Variants in NDUFB6 observed in about 807,000 individuals in gnomAD.
The protein encoded by NDUFB6 is NADH dehydrogenase [ubiquinone] 1 beta subcomplex subunit 6.
A neutral mutation model predicts 17.5 loss-of-function variants in NDUFB6; 23 were observed. That is an observed-to-expected ratio of 1.31 (90% confidence interval 0.94 to 1.86). The LOEUF is 1.86. Among genes scored for constraint, NDUFB6 ranks in the 40% most tolerant of loss-of-function variants. The probability of loss-of-function intolerance (pLI) is 0.00; values close to 1 mark genes in which losing one functional copy is unlikely to be tolerated. For missense variants in NDUFB6, 167 were observed against 153.8 expected (o/e 1.09, Z -0.46); for synonymous variants, 60 against 53.5 (o/e 1.12, Z -0.53).
chr9:32,566,962 G>C, intron 2 of NDUFB6: 1 of 516,184 alleles, frequency 1.9e-6, no homozygotes, highest in South Asian at 1.8e-5. Context: ...CACCAGCTCG[G>C]CATCGTCGAG....
chr9:32,556,890 C>T lies in NDUFB6; in HGVS notation c.318+2020G>A, dbSNP rs189707011. ...TTTTTTTTGAGGCAGGGTGCTCTGTCGCTAAGGCTGGAGTGCAGTGGCGCA... is the reference window on the plus strand; with the variant it reads ...TTTTTTTTGAGGCAGGGTGCTCTGTTGCTAAGGCTGGAGTGCAGTGGCGCA... On this transcript the variant is annotated intron_variant, in intron 3 of 3. Coordinates refer to ENST00000379847, the MANE Select transcript of NDUFB6 (RefSeq NM_002493.5). 2.1e-3 allele frequency among the ~76,000 whole-genome samples: 249 copies of T among 117,708 alleles called. 1 individual carries two copies. The highest frequency in any genetic ancestry group is 7.7e-3 in the African/African-American group (238 of 30,816). 77.2% of individuals were successfully genotyped at this position (117,708 alleles called of 152,430 possible).
chr9:32,555,006 G>A (rs1244458158), intron 3 of NDUFB6, among the ~76,000 whole-genome samples: 1 of 152,052 alleles, frequency 6.6e-6, no homozygotes, highest in Non-Finnish European at 1.5e-5. Context: ...CATGAGCTCA[G>A]GCAAAAAGTG....
chr9:32,563,504 T>TTTTTTTTTTTTTTG (rs74178817), intron 2 of NDUFB6, among the ~76,000 whole-genome samples: 3 of 148,872 alleles, frequency 2.0e-5, no homozygotes, highest in Non-Finnish European at 4.5e-5. Context: ...TTTTTTTTTT[T>TTTTTTTTTTTTTTG]GGAGGGATGG....
At chr9:32,563,625 A>AATGT (rs1821693804) in intron 2 of NDUFB6, among the ~76,000 whole-genome samples, 1 of 151,754 alleles carries the variant, frequency 6.6e-6, no homozygotes, top group Admixed American at 6.6e-5. Flanking sequence ...TGCCCAGACT[A>AATGT]ATGTTAGCAT....
At chr9:32,567,228 T>A in intron 2 of NDUFB6, 1 of 474,100 alleles carries the variant, frequency 2.1e-6, no homozygotes, top group South Asian at 1.5e-5. Context: ...ACACCAGGTG[T>A]GCTCTGCAAA....
At chr9:32,559,039 C>T in intron 2 of NDUFB6, 85 bp from the exon 3 acceptor site, 4 of 903,012 alleles carry the variant, frequency 4.4e-6, no homozygotes, top group Non-Finnish European at 6.9e-6. Context: ...CAAATTTTAA[C>T]TTAAGCTCCA....
chr9:32,557,393 C>A (rs550196863), intron 3 of NDUFB6, among the ~76,000 whole-genome samples: 1 of 145,910 alleles, frequency 6.9e-6, no homozygotes, highest in African/African-American at 2.5e-5. Context: ...GGTCTCGAAC[C>A]CCTAGCCTCA....
At chr9:32,565,362 C>G (rs1821752920) in intron 2 of NDUFB6, 1 of 152,096 alleles carries the variant, frequency 6.6e-6, no homozygotes, top group Non-Finnish European at 1.5e-5. Flanking sequence ...AACATCTTAC[C>G]CCCAAAGCAT....
At chr9:32,563,429 T>G (rs949110250) in intron 2 of NDUFB6, among the ~76,000 whole-genome samples, 7 of 150,262 alleles carry the variant, frequency 4.7e-5, no homozygotes, top group Non-Finnish European at 8.9e-5. Context: ...CATTGCAGGC[T>G]CCACATCCTG....
Position 32,572,981 on chromosome 9 carries a change from T to A in NDUFB6, c.80A>T (p.Glu27Val), listed in dbSNP as rs1199466960. The A allele has an allele frequency of 6.2e-7, 1 of 1,611,958 alleles. No individual in the cohort carries two copies. The highest frequency in any genetic ancestry group is 8.5e-7 in the Non-Finnish European group (1 of 1,178,882). ...ELRRRWLKDQELSPREPVLPP... is the reference protein window; with the variant it reads ...ELRRRWLKDQVLSPREPVLPP... Reference sequence around the variant, plus strand: ...CAGCACCGGCTCCCGAGGGCTCAGCTCCTGGTCCTTCAGCCATCGCCTTCT... The same window carrying A: ...CAGCACCGGCTCCCGAGGGCTCAGCACCTGGTCCTTCAGCCATCGCCTTCT... The change falls in exon 1 of 4, where the codon GAG becomes GTG. Residue 27 changes from glutamate (E) to valine (V), a missense_variant. Physicochemically the swap from Glu to Val is moderately radical, Grantham distance 121. Transcript: ENST00000379847.
intron 2 of NDUFB6, chr9:32,566,092 T>C: frequency 2.2e-6 from 1 of 445,632 alleles, no homozygotes; most frequent in Non-Finnish European, 4.0e-6. Context: ...AAGGCACCTG[T>C]TAAAATTATG....
At chr9:32,569,499 T>C (rs1370861747) in intron 2 of NDUFB6, among the ~76,000 whole-genome samples, 2 of 152,186 alleles carry the variant, frequency 1.3e-5, no homozygotes, top group Non-Finnish European at 1.5e-5. Context: ...ATTACAGGCA[T>C]GAGCCACCGT....
intron 2 of NDUFB6, chr9:32,567,152 C>A (rs960877210): frequency 2.1e-6 from 1 of 476,876 alleles, no homozygotes; most frequent in South Asian, 1.5e-5. Context: ...CGCCTCTGGG[C>A]CCCGCAGGCA....
intron 2 of NDUFB6, among the ~76,000 whole-genome samples, chr9:32,569,916 A>G (rs1821902587): frequency 6.6e-6 from 1 of 152,228 alleles, no homozygotes; most frequent in Non-Finnish European, 1.5e-5. Context: ...TTTTATATGC[A>G]CTAGGAAGCC....
In NDUFB6 at chr9:32,553,962, C is replaced by A. The variant is rs769859439; in HGVS notation, c.319-18G>T. On this transcript the variant is annotated intron_variant, in intron 3 of 3. Coordinates refer to ENST00000379847, the MANE Select transcript of NDUFB6 (RefSeq NM_002493.5). ...GTATCACCCTAGGAAAACAAAGATACAGTTAGTACAAAAATCTTAAGTCTA... is the reference window on the plus strand; with the variant it reads ...GTATCACCCTAGGAAAACAAAGATAAAGTTAGTACAAAAATCTTAAGTCTA... 11 of 1,505,142 alleles carry A rather than the reference C, an allele frequency of 7.3e-6. No homozygotes were observed. Among genetic ancestry groups the A allele is most frequent in the South Asian group, 5.7e-5 (5 of 87,054 alleles). 93.2% of individuals were successfully genotyped at this position (1,505,142 alleles called of 1,614,324 possible).
intron 2 of NDUFB6, among the ~76,000 whole-genome samples, chr9:32,563,402 G>T (rs1471514576): frequency 6.6e-6 from 1 of 151,340 alleles, no homozygotes; most frequent in African/African-American, 2.4e-5. Context: ...AGTACAGTGG[G>T]CAGCACAATC....
At chr9:32,558,752 TTTTG>T (rs1821544134) in intron 3 of NDUFB6, among the ~76,000 whole-genome samples, 154 bp downstream of exon 3, 2 of 152,142 alleles carry the variant, frequency 1.3e-5, no homozygotes, top group African/African-American at 2.4e-5. Flanking sequence ...TCCTGTTTTT[TTTTG>T]TTTTGTTTTG....
At chr9:32,568,435 G>C in intron 2 of NDUFB6, 1 of 243,866 alleles carries the variant, frequency 4.1e-6, no homozygotes, top group Non-Finnish European at 8.7e-6. Flanking sequence ...AAGATGCTAT[G>C]AACATTGTTG....
chr9:32,563,526 G>C (rs1425810263), intron 2 of NDUFB6, among the ~76,000 whole-genome samples: 1 of 136,502 alleles, frequency 7.3e-6, no homozygotes, highest in Non-Finnish European at 1.6e-5. Context: ...GTCTCATTAT[G>C]TTGCCCAGGT....
Sources: allele counts gnomAD v4.1 joint callset (sites outside exome capture counted in the v4.1 genomes callset), GRCh38; gene constraint gnomAD v4.1.1; transcripts MANE v1.5; gene names NCBI Gene and HGNC (gene_info 2026-07-23, HGNC 2026-07-21).